MACROD2: variants seen among roughly 807,000 people sequenced by gnomAD.
MACROD2 encodes mono-ADP ribosylhydrolase 2, also known as ADP-ribose glycohydrolase MACROD2.
Under a neutral mutation model 70.4 loss-of-function variants are expected in MACROD2, and 36 were observed. That is an observed-to-expected ratio of 0.51 (90% confidence interval 0.39 to 0.68). The LOEUF is 0.68. MACROD2 is among the 30% of genes least tolerant of loss of function. MACROD2 has a pLI of 0.00. For missense variants in MACROD2, 496 were observed against 538.4 expected (o/e 0.92, Z 0.78); for synonymous variants, 172 against 178.8 (o/e 0.96, Z 0.30).
rs555373209 is a variant in MACROD2, at chr20:15,144,756, G to A, written c.419-85184G>A. Among the ~76,000 whole-genome samples the A allele has an allele frequency of 4.5e-4, 68 of 152,254 alleles. 1 individual carries two copies. The South Asian group carries it at 0.011, about 25-fold the overall frequency. On this transcript the variant is annotated intron_variant, in intron 5 of 17. Transcript: ENST00000684519. ...AGCGGGGAAACATGATGAACTTTTG[G>A]CAACATTTCTGAACCAAATGGACAC...
intron 5 of MACROD2, among the ~76,000 whole-genome samples, chr20:15,087,640 T>C (rs2075758682): frequency 6.6e-6 from 1 of 152,116 alleles, no homozygotes; most frequent in East Asian, 1.9e-4. Flanking sequence ...TGTTTAACTT[T>C]GCGGTAGGAG....
At chr20:15,252,102 T>G (rs758214737) in intron 6 of MACROD2, among the ~76,000 whole-genome samples, 1 of 152,248 alleles carries the variant, frequency 6.6e-6, no homozygotes, top group Non-Finnish European at 1.5e-5. Context: ...AACAAAGGGC[T>G]AAGGTAAGGA....
At chr20:14,479,662 G>T (rs2123067961) in intron 3 of MACROD2, among the ~76,000 whole-genome samples, 1 of 152,216 alleles carries the variant, frequency 6.6e-6, no homozygotes, top group Middle Eastern at 3.4e-3. Context: ...TAGCAGGAGT[G>T]GGTGGGAGGA....
At chr20:15,564,546 G>T (rs2048286885) in intron 8 of MACROD2, among the ~76,000 whole-genome samples, 1 of 152,114 alleles carries the variant, frequency 6.6e-6, no homozygotes, top group African/African-American at 2.4e-5. Flanking sequence ...CATGTTAGCA[G>T]GCAATTGTAG....
intron 8 of MACROD2, among the ~76,000 whole-genome samples, chr20:15,650,132 A>AT (rs2049621299): frequency 6.6e-6 from 1 of 152,178 alleles, no homozygotes; most frequent in Non-Finnish European, 1.5e-5. Flanking sequence ...CTGGGGAAGG[A>AT]CTTGCTGCTT....
intron 6 of MACROD2, among the ~76,000 whole-genome samples, chr20:15,356,750 C>T (rs1316476177): frequency 1.3e-5 from 2 of 152,164 alleles, no homozygotes; most frequent in African/African-American, 4.8e-5. Flanking sequence ...CACCACTGCA[C>T]TCCAACCTGG....
chr20:14,397,981 ATGTGTTACCTTTCTGTGCCTGAGTTAT>A (rs2083598223), intron 3 of MACROD2, among the ~76,000 whole-genome samples: 1 of 152,146 alleles, frequency 6.6e-6, no homozygotes, highest in Admixed American at 6.5e-5. Context: ...GAGTAAGAAC[ATGTGTTACCTTTCTGTGCCTGAGTTAT>A]TTCACTTAAC....
At chr20:15,756,857 A>G (rs2051356080) in intron 8 of MACROD2, among the ~76,000 whole-genome samples, 1 of 152,176 alleles carries the variant, frequency 6.6e-6, no homozygotes, top group Non-Finnish European at 1.5e-5. Context: ...TTTAGATGTT[A>G]ATCTGGCTCC....
chr20:14,225,202 GA>G (rs2081721110), intron 3 of MACROD2, among the ~76,000 whole-genome samples: 1 of 152,156 alleles, frequency 6.6e-6, no homozygotes. Context: ...GCTTAAAAAT[GA>G]TATCAAATGA....
chr20:15,603,150 A>G (rs2048845789), intron 8 of MACROD2, among the ~76,000 whole-genome samples: 1 of 152,052 alleles, frequency 6.6e-6, no homozygotes, highest in Non-Finnish European at 1.5e-5. Context: ...CCTTATTTAG[A>G]CTTTGAAACA....
intron 8 of MACROD2, among the ~76,000 whole-genome samples, chr20:15,545,105 G>T (rs1300797078): frequency 6.6e-6 from 1 of 152,226 alleles, no homozygotes; most frequent in Non-Finnish European, 1.5e-5. Flanking sequence ...CAGTGACTGG[G>T]ATGGAAGTAG....
chr20:15,461,006 A>ATATATTTTTTTTTT lies in MACROD2; in HGVS notation c.571+29572_571+29573insATATTTTTTTTTTT. ...TATATATATATATATATATATATAT[A>ATATATTTTTTTTTT]TTTTTTTTTAATAGATGGGGTCTTG... On this transcript the variant is annotated intron_variant, in intron 7 of 17. Coordinates refer to ENST00000684519, the MANE Select transcript of MACROD2 (RefSeq NM_001351661.2). Among the ~76,000 whole-genome samples the ATATATTTTTTTTTT allele has an allele frequency of 1.3e-3, 87 of 66,986 alleles. 1 individual carries two copies. Among genetic ancestry groups the ATATATTTTTTTTTT allele is most frequent in the Middle Eastern group, 8.8e-3 (1 of 114 alleles). The allele number at this position is 66,986 out of a possible 152,430, so 43.9% of individuals were successfully genotyped here. A position where few individuals can be genotyped will look rare whatever the true frequency, so the allele number is the denominator to read the frequency against.
chr20:15,341,229 T>C (rs1473964728), intron 6 of MACROD2, among the ~76,000 whole-genome samples: 2 of 152,226 alleles, frequency 1.3e-5, no homozygotes, highest in Non-Finnish European at 2.9e-5. Context: ...ATTTTGATTA[T>C]GTGATTTGCT....
chr20:15,477,003 TGGC>T (rs2047030157), intron 7 of MACROD2, among the ~76,000 whole-genome samples: 1 of 152,154 alleles, frequency 6.6e-6, no homozygotes, highest in East Asian at 1.9e-4. Flanking sequence ...TTCTTCTCTA[TGGC>T]ATCTTCTAGA....
At chr20:14,963,004 C>T (rs978866715) in intron 5 of MACROD2, among the ~76,000 whole-genome samples, 1 of 152,108 alleles carries the variant, frequency 6.6e-6, no homozygotes, top group Non-Finnish European at 1.5e-5. Flanking sequence ...ATGTCTTTTC[C>T]TACTTAAATT....
At chr20:16,002,060 ATG>A (rs936367972) in intron 15 of MACROD2, among the ~76,000 whole-genome samples, 1 of 151,690 alleles carries the variant, frequency 6.6e-6, no homozygotes, top group African/African-American at 2.4e-5. Context: ...ATATATATAC[ATG>A]TGTGTATATA....
chr20:16,008,669 T>G (rs1347793720), intron 15 of MACROD2, among the ~76,000 whole-genome samples: 1 of 152,210 alleles, frequency 6.6e-6, no homozygotes, highest in African/African-American at 2.4e-5. Flanking sequence ...TTAACATGTG[T>G]AAAGTTCTGG....
chr20:14,259,174 C>T (rs553053099), intron 3 of MACROD2, among the ~76,000 whole-genome samples: 1 of 152,144 alleles, frequency 6.6e-6, no homozygotes, highest in Non-Finnish European at 1.5e-5. Context: ...AACTCCTGAC[C>T]GTGTGATCCA....
intron 5 of MACROD2, among the ~76,000 whole-genome samples, chr20:14,882,996 T>C (rs1025491260): frequency 6.6e-6 from 1 of 152,148 alleles, no homozygotes; most frequent in Admixed American, 6.5e-5. Context: ...GTGTTTGGAA[T>C]TAATTCATCT....
Sources: gnomAD v4.1 joint callset for allele counts (sites outside exome capture counted in the v4.1 genomes callset) on GRCh38, gnomAD v4.1.1 for gene constraint, MANE v1.5 for transcripts, NCBI Gene and HGNC (gene_info 2026-07-23, HGNC 2026-07-21) for gene names.